Variants in CSMD1 observed in about 807,000 individuals in gnomAD.
The protein encoded by CSMD1 is CUB and Sushi multiple domains 1.
A neutral mutation model predicts 417.5 loss-of-function variants in CSMD1; 213 were observed. The observed-to-expected ratio is 0.51, with a 90% CI of 0.46 to 0.57. The LOEUF (loss-of-function observed/expected upper bound fraction) is 0.57, where lower values mean the gene tolerates loss of function less well. CSMD1 is among the 20% of genes least tolerant of loss of function. CSMD1 has a pLI of 0.00. For synonymous variants in CSMD1, 2,862 were observed against 1,736.8 expected (o/e 1.65, Z -16.11); for missense variants, 6,923 against 4,529.7 (o/e 1.53, Z -15.17).
intron 46 of CSMD1, among the ~76,000 whole-genome samples, chr8:3,105,841 T>A (rs971381034): frequency 2.6e-5 from 4 of 152,320 alleles, no homozygotes; most frequent in Middle Eastern, 6.8e-3. Flanking sequence ...CAGATAGGCA[T>A]GTGATAAAGG....
At chr8:4,321,866 T>G (rs895951340) in intron 3 of CSMD1, among the ~76,000 whole-genome samples, 1 of 152,136 alleles carries the variant, frequency 6.6e-6, no homozygotes, top group Non-Finnish European at 1.5e-5. Flanking sequence ...TCAGAAGAAA[T>G]GAATAAATAA....
chr8:3,371,776 G>T (rs942507651), intron 18 of CSMD1, among the ~76,000 whole-genome samples: 2 of 152,012 alleles, frequency 1.3e-5, no homozygotes, highest in African/African-American at 4.8e-5. Flanking sequence ...ATAAAAATCG[G>T]CAAAAGAGAA....
chr8:3,190,000 T>A lies in CSMD1; in HGVS notation c.5310A>T (p.Gly1770=). The change falls in exon 34 of 70, where the codon GGA becomes GGT. Residue 1770 remains glycine (G), a synonymous_variant. Transcript: ENST00000635120. ...GSIVRFECNP[G]YLLQGSTALH... The stretch of plus-strand genomic sequence containing the variant: ...GCGCCGTGGAACCCTGAAGCAGGTA[T>A]CCCGGGTTGCACTCGAATCGGACGA... 1 of 1,599,252 alleles carries A rather than the reference T, an allele frequency of 6.3e-7. No homozygotes were observed. The highest frequency in any genetic ancestry group is 2.3e-5 in the East Asian group (1 of 44,276).
intron 1 of CSMD1, among the ~76,000 whole-genome samples, chr8:4,971,992 T>C (rs923065088): frequency 6.6e-6 from 1 of 152,040 alleles, no homozygotes; most frequent in Non-Finnish European, 1.5e-5. Flanking sequence ...TCAACATTTA[T>C]CTTCAAAGCA....
intron 3 of CSMD1, among the ~76,000 whole-genome samples, chr8:4,331,306 C>T (rs993173309): frequency 2.6e-5 from 4 of 152,102 alleles, no homozygotes; most frequent in Admixed American, 6.6e-5. Flanking sequence ...CATCATGCTG[C>T]ACGGTGGGTG....
intron 3 of CSMD1, among the ~76,000 whole-genome samples, chr8:4,153,661 A>G (rs796282906): frequency 1.3e-5 from 2 of 152,276 alleles, no homozygotes; most frequent in African/African-American, 4.8e-5. Flanking sequence ...TTATTTTCTC[A>G]TAACGTCACT....
chr8:4,891,139 A>G (rs111968476), intron 1 of CSMD1, among the ~76,000 whole-genome samples: 7 of 152,164 alleles, frequency 4.6e-5, no homozygotes, highest in Non-Finnish European at 1.0e-4. Flanking sequence ...ATGCCACGGT[A>G]TGAACTCTGT....
rs138058056 is a variant in CSMD1 at position 4,676,331 on chromosome 8, C to T, written c.86-38773G>A. On this transcript the variant is annotated intron_variant, in intron 1 of 69. Coordinates refer to ENST00000635120, the MANE Select transcript of CSMD1 (RefSeq NM_033225.6). ...CCTGCCAAACACTGAAACAGAAGCT[C>T]CTGTATCCATCTGCCCTGAACTGCA... Among the ~76,000 whole-genome samples, 240 of 152,234 alleles carry T rather than the reference C, an allele frequency of 1.6e-3. 1 individual carries two copies. The highest frequency in any genetic ancestry group is 5.3e-3 in the African/African-American group (219 of 41,556).
chr8:3,433,402 C>A (rs1308524801), intron 12 of CSMD1, among the ~76,000 whole-genome samples: 1 of 152,182 alleles, frequency 6.6e-6, no homozygotes, highest in East Asian at 1.9e-4. Context: ...AAGTGAACTA[C>A]CCACTTTCTT....
intron 6 of CSMD1, among the ~76,000 whole-genome samples, chr8:3,712,052 G>C (rs1801536822): frequency 6.6e-6 from 1 of 152,158 alleles, no homozygotes; most frequent in African/African-American, 2.4e-5. Context: ...GCTCTGTAAA[G>C]CTACGTCTCC....
At chr8:4,472,235 T>A (rs146018812) in intron 2 of CSMD1, among the ~76,000 whole-genome samples, 1 of 152,316 alleles carries the variant, frequency 6.6e-6, no homozygotes, top group African/African-American at 2.4e-5. Flanking sequence ...TAAAATCGAA[T>A]AGTTCTTACA....
chr8:4,006,493 A>C (rs893706967), intron 4 of CSMD1, among the ~76,000 whole-genome samples: 114 of 152,278 alleles, frequency 7.5e-4, no homozygotes, highest in Non-Finnish European at 1.8e-4. Context: ...GCAGTGAGCC[A>C]AGATCACCCC....
intron 1 of CSMD1, among the ~76,000 whole-genome samples, chr8:4,759,961 G>T (rs1034337076): frequency 3.9e-5 from 6 of 152,138 alleles, no homozygotes; most frequent in Admixed American, 2.0e-4. Context: ...GGGTATTTCT[G>T]GTTTTAGAAC....
intron 3 of CSMD1, among the ~76,000 whole-genome samples, chr8:4,063,547 C>T (rs577388828): frequency 6.6e-6 from 1 of 152,250 alleles, no homozygotes; most frequent in South Asian, 2.1e-4. Flanking sequence ...AAAAATACTC[C>T]TTAAGAACCA....
At chr8:4,053,065 G>C (rs1041487787) in intron 3 of CSMD1, among the ~76,000 whole-genome samples, 1 of 152,178 alleles carries the variant, frequency 6.6e-6, no homozygotes, top group African/African-American at 2.4e-5. Context: ...TTGGGAGGCT[G>C]TGTGCTGAAA....
chr8:3,751,319 T>TGTGA, intron 6 of CSMD1, among the ~76,000 whole-genome samples: 1 of 146,832 alleles, frequency 6.8e-6, no homozygotes, highest in Admixed American at 6.8e-5. Context: ...TGTGTGTGTG[T>TGTGA]GTGTGTGTAT....
At chr8:3,713,127 A>G (rs1028909582) in intron 6 of CSMD1, among the ~76,000 whole-genome samples, 10 of 152,182 alleles carry the variant, frequency 6.6e-5, no homozygotes, top group African/African-American at 2.4e-4. Context: ...ATTATGGGGG[A>G]AATATTTTTA....
chr8:3,354,274 AG>A (rs1481898620), intron 21 of CSMD1, among the ~76,000 whole-genome samples: 1 of 152,226 alleles, frequency 6.6e-6, no homozygotes, highest in Non-Finnish European at 1.5e-5. Flanking sequence ...CACATTTAAC[AG>A]AGATGTTTCT....
chr8:4,185,252 T>C (rs1167427662), intron 3 of CSMD1, among the ~76,000 whole-genome samples: 1 of 151,566 alleles, frequency 6.6e-6, no homozygotes, highest in Non-Finnish European at 1.5e-5. Context: ...ATCCTGGCCC[T>C]ACCCCTTGCA....
Sources: gnomAD v4.1 joint callset for allele counts (sites outside exome capture counted in the v4.1 genomes callset) on GRCh38, gnomAD v4.1.1 for gene constraint, MANE v1.5 for transcripts, NCBI Gene and HGNC (gene_info 2026-07-23, HGNC 2026-07-21) for gene names.